RALGPS1: variants seen among roughly 807,000 people sequenced by gnomAD.
RALGPS1 encodes the protein ras-specific guanine nucleotide-releasing factor RalGPS1.
Under a neutral mutation model 78.8 loss-of-function variants are expected in RALGPS1, and 19 were observed. That is an observed-to-expected ratio of 0.24 (90% CI 0.17 to 0.35). The LOEUF is 0.35. Ranked by LOEUF, RALGPS1 falls within the 10% of genes least tolerant of loss-of-function variation. RALGPS1 has a pLI of 1.00. For missense variants in RALGPS1, 454 were observed against 688.3 expected (o/e 0.66, Z 3.81); for synonymous variants, 228 against 256.3 (o/e 0.89, Z 1.06).
chr9:126,977,820 G>GC, intron 4 of RALGPS1, 75 bp downstream of exon 4: 2 of 1,074,672 alleles, frequency 1.9e-6, no homozygotes, highest in Non-Finnish European at 2.8e-6. Flanking sequence ...CACTGTTAGA[G>GC]TGTCTCAGTT....
chr9:127,129,139 C>T lies in RALGPS1; in HGVS notation c.611-36930C>T, dbSNP rs138740057. Among the ~76,000 whole-genome samples the T allele has an allele frequency of 2.2e-4, 33 of 152,274 alleles. No individual in the cohort carries two copies. The East Asian group carries it at 6.2e-3, about 28-fold the overall frequency. Reference sequence around the variant, plus strand: ...CTGAGAATTTTAGCTGACTGGTTTTCATTTTGTTTCGTAACAGTATTTTAA... The same window carrying T: ...CTGAGAATTTTAGCTGACTGGTTTTTATTTTGTTTCGTAACAGTATTTTAA... On this transcript the variant is annotated intron_variant, in intron 8 of 18. Transcript: ENST00000259351.
At chr9:126,990,157 A>T in intron 4 of RALGPS1, 1 of 820,952 alleles carries the variant, frequency 1.2e-6, no homozygotes, top group Non-Finnish European at 1.9e-6. Context: ...GAATGTGGCC[A>T]GCAGGCAGTC....
intron 1 of RALGPS1, among the ~76,000 whole-genome samples, chr9:126,957,859 G>A (rs1205040027): frequency 6.6e-6 from 1 of 151,902 alleles, no homozygotes; most frequent in Admixed American, 6.6e-5. Context: ...TCCTGGATAA[G>A]TGTGGTGACT....
At chr9:127,201,791 T>C (rs562427416) in intron 14 of RALGPS1, among the ~76,000 whole-genome samples, 59 of 152,196 alleles carry the variant, frequency 3.9e-4, no homozygotes, top group Non-Finnish European at 8.2e-4. Flanking sequence ...GAAGACTGAG[T>C]GTCAGCCTGC....
intron 11 of RALGPS1, among the ~76,000 whole-genome samples, chr9:127,186,135 C>G (rs907541223): frequency 6.6e-6 from 1 of 152,194 alleles, no homozygotes; most frequent in African/African-American, 2.4e-5. Context: ...GTTGGGCAGC[C>G]TGTTGCTTTC....
chr9:126,977,920 A>G (rs920987128), intron 4 of RALGPS1, 175 bp downstream of exon 4: 1 of 493,100 alleles, frequency 2.0e-6, no homozygotes, highest in Non-Finnish European at 3.6e-6. Context: ...CAGTATTTGG[A>G]TTTTCCAGAG....
intron 8 of RALGPS1, among the ~76,000 whole-genome samples, chr9:127,147,184 A>T (rs184194015): frequency 1.3e-5 from 2 of 152,248 alleles, no homozygotes; most frequent in Middle Eastern, 3.4e-3. Context: ...TTCTTTTGAG[A>T]AGTGTCTGTT....
At chr9:127,028,930 C>A (rs966500659) in intron 4 of RALGPS1, among the ~76,000 whole-genome samples, 3 of 151,912 alleles carry the variant, frequency 2.0e-5, no homozygotes, top group African/African-American at 7.3e-5. Context: ...GACCCTTGTG[C>A]CCCCAGAGCT....
At chr9:127,108,660 C>G in intron 8 of RALGPS1, 1 of 1,613,718 alleles carries the variant, frequency 6.2e-7, no homozygotes, top group South Asian at 1.1e-5. Context: ...CAAAACCGTC[C>G]TCCTGGCCTG....
intron 11 of RALGPS1, among the ~76,000 whole-genome samples, chr9:127,182,366 C>T (rs1312906636): frequency 5.2e-4 from 20 of 38,652 alleles, no homozygotes; most frequent in African/African-American, 1.5e-3. Flanking sequence ...TCCTTCCTTC[C>T]TTCCTCCCTC....
intron 4 of RALGPS1, among the ~76,000 whole-genome samples, chr9:127,002,683 G>A (rs2043453455): frequency 6.8e-6 from 1 of 147,144 alleles, no homozygotes; most frequent in Non-Finnish European, 1.5e-5. Flanking sequence ...ACCTATGAGC[G>A]AGAATATGTG....
chr9:127,179,126 T>C (rs1013303254), intron 11 of RALGPS1, among the ~76,000 whole-genome samples: 1 of 152,236 alleles, frequency 6.6e-6, no homozygotes, highest in Non-Finnish European at 1.5e-5. Context: ...CTGGCAGTTT[T>C]CCACAGCAGA....
At chr9:126,982,927 TC>T (rs61551687) in intron 4 of RALGPS1, among the ~76,000 whole-genome samples, 13,308 of 65,388 alleles carry the variant, frequency 0.2, 1,936 homozygotes, top group Non-Finnish European at 0.34. Flanking sequence ...TTCTTCTTCT[TC>T]TTTTTTTTTT....
intron 4 of RALGPS1, among the ~76,000 whole-genome samples, chr9:127,000,534 C>CTTTTTTTTTTTTTTTTTT (rs1163116649): frequency 6.0e-5 from 2 of 33,338 alleles, no homozygotes; most frequent in African/African-American, 1.9e-4. Flanking sequence ...CTTGTCTTGT[C>CTTTTTTTTTTTTTTTTTT]TTTTTTTTTT....
At chr9:127,165,245 A>G (rs1185779372) in intron 8 of RALGPS1, among the ~76,000 whole-genome samples, 1 of 152,208 alleles carries the variant, frequency 6.6e-6, no homozygotes, top group Non-Finnish European at 1.5e-5. Context: ...AGGACGTTCC[A>G]TCCTTGGCCC....
At chr9:126,942,156 C>T (rs761753927) in intron 1 of RALGPS1, among the ~76,000 whole-genome samples, 3 of 152,174 alleles carry the variant, frequency 2.0e-5, no homozygotes, top group Non-Finnish European at 2.9e-5. Context: ...CATGTGACAT[C>T]ACAAACACCC....
At chr9:126,921,864 C>T in intron 1 of RALGPS1, among the ~76,000 whole-genome samples, 1 of 152,198 alleles carries the variant, frequency 6.6e-6, no homozygotes, top group East Asian at 1.9e-4. Context: ...AGAATAGTGT[C>T]CTCTTTTCAC....
intron 8 of RALGPS1, among the ~76,000 whole-genome samples, chr9:127,137,538 G>T (rs1425432332): frequency 6.6e-6 from 1 of 152,232 alleles, no homozygotes; most frequent in African/African-American, 2.4e-5. Context: ...TGCCAGTGGG[G>T]CTGTCCTGGG....
chr9:127,123,660 G>T (rs537977283), intron 8 of RALGPS1, among the ~76,000 whole-genome samples: 4 of 152,188 alleles, frequency 2.6e-5, no homozygotes, highest in African/African-American at 4.8e-5. Flanking sequence ...GGAGCCAGCC[G>T]CATAGGTGGA....
Sources: allele counts gnomAD v4.1 joint callset (sites outside exome capture counted in the v4.1 genomes callset), GRCh38; gene constraint gnomAD v4.1.1; transcripts MANE v1.5; gene names NCBI Gene and HGNC (gene_info 2026-07-23, HGNC 2026-07-21).